POSTN: variants seen among roughly 807,000 people sequenced by gnomAD.
POSTN encodes the protein osteoblast specific factor 2 (fasciclin I-like).
In POSTN, 71 loss-of-function variants were observed where a neutral mutation model predicts 104.5. The observed-to-expected ratio is 0.68, with a 90% CI of 0.56 to 0.83. The LOEUF (loss-of-function observed/expected upper bound fraction) is 0.83. Ranked by LOEUF, POSTN falls within the 40% of genes least tolerant of loss-of-function variation. POSTN has a pLI of 0.00. For synonymous variants in POSTN, 355 were observed against 340.7 expected, an observed-to-expected ratio of 1.04 and a Z score of -0.46; for missense variants, 949 against 1,006.8, an observed-to-expected ratio of 0.94 and a Z score of 0.78.
At chr13:37,570,463 A>G (rs1950231207) in intron 19 of POSTN, 117 bp downstream of exon 19, 2 of 655,668 alleles carry the variant, frequency 3.1e-6, no homozygotes, top group Non-Finnish European at 5.2e-6. Flanking sequence ...ATATGAAGTA[A>G]CTTTAGTAAT....
At position 37,579,113 on chromosome 13, in the gene POSTN, A is replaced by G. The variant is rs766902123; in HGVS notation, c.1800T>C (p.Asp600=). 1.2e-6 allele frequency: 2 copies of G among 1,612,526 alleles called. No homozygotes were observed. Among genetic ancestry groups the G allele is most frequent in the African/African-American group, 2.7e-5 (2 of 75,028 alleles). The change falls in exon 14 of 23, where the codon GAT becomes GAC. Residue 600 remains aspartate (D), a synonymous_variant. Transcript: ENST00000379747. ...ATTTCAATTCATTCACCAGAAGTGT[A>G]TCATTTACCTATCAAAATAGGAGGC... ...GSKIFLKEVN[D]TLLVNELKSK...
intron 2 of POSTN, among the ~76,000 whole-genome samples, chr13:37,592,836 A>C (rs2138384642): frequency 6.6e-6 from 1 of 152,312 alleles, no homozygotes; most frequent in East Asian, 1.9e-4. Flanking sequence ...CAAATGAAAT[A>C]ATGCTTTTGA....
intron 8 of POSTN, among the ~76,000 whole-genome samples, chr13:37,584,412 C>T (rs1337456049): frequency 6.6e-6 from 1 of 152,126 alleles, no homozygotes; most frequent in East Asian, 1.9e-4. Flanking sequence ...TTCCATTTAT[C>T]CAAAGCTGAC....
At chr13:37,566,109 A>G (rs1593305140) in intron 21 of POSTN, among the ~76,000 whole-genome samples, 1 of 152,166 alleles carries the variant, frequency 6.6e-6, no homozygotes, top group African/African-American at 2.4e-5. Flanking sequence ...CAATGTGTCA[A>G]ACAAATACTT....
chr13:37,566,154 G>T (rs75842731), intron 21 of POSTN, among the ~76,000 whole-genome samples: 3 of 152,024 alleles, frequency 2.0e-5, no homozygotes, highest in Admixed American at 1.3e-4. Flanking sequence ...TAGAAAACAG[G>T]TTTACTCCTA....
In POSTN at chr13:37,577,785, C is replaced by T. The variant is rs777140897; in HGVS notation, c.1976G>A (p.Ser659Asn). The change falls in exon 16 of 23, where the codon AGC (serine) becomes AAC (asparagine). Residue 659 changes from serine (S) to asparagine (N), a missense_variant. Coordinates refer to ENST00000379747, the MANE Select transcript of POSTN (RefSeq NM_006475.3). ...AGTCACGGGGATTTCTTTGAAGGTG[C>T]TACCACGAACAAACTGAAAATAAAT... ...KYIQIKFVRGSTFKEIPVTVY... is the reference protein window; with the variant it reads ...KYIQIKFVRGNTFKEIPVTVY... 6.8e-6 allele frequency: 11 copies of T among 1,613,296 alleles called. No individual in the cohort carries two copies. Among genetic ancestry groups the T allele is most frequent in the Non-Finnish European group, 8.5e-6 (10 of 1,179,628 alleles).
At chr13:37,586,382 C>G in intron 6 of POSTN, 102 bp from the exon 7 acceptor site, 2 of 1,219,020 alleles carry the variant, frequency 1.6e-6, no homozygotes, top group Non-Finnish European at 2.3e-6. Flanking sequence ...GATTCCTACA[C>G]TATAGAGGTT....
At position 37,586,173 on chromosome 13, in the gene POSTN, T is replaced by A. The variant is rs201542523; in HGVS notation, c.861A>T (p.Leu287=). The A allele has an allele frequency of 1.2e-5, 19 of 1,613,876 alleles. No individual in the cohort carries two copies. The Middle Eastern group carries it at 8.3e-4, about 70-fold the overall frequency. ...EAFEKLPRGV[L]ERIMGDKVAS... Reference sequence around the variant, plus strand: ...CCACTTTGTCTCCCATGATCCTTTCTAGGACACCTCGTGGAAGTTTCTCAA... The same window carrying A: ...CCACTTTGTCTCCCATGATCCTTTCAAGGACACCTCGTGGAAGTTTCTCAA... Residue 287 remains leucine (L), a synonymous_variant, in exon 7 of 23, where the codon CTA becomes CTT. Transcript: ENST00000379747.
chr13:37,590,487 C>G lies in POSTN; in HGVS notation c.326G>C (p.Gly109Ala), dbSNP rs1593361275. ...AGAATAGCGCTGCGTTGTGGTGGCT[C>G]CCACGATGCCCAGAGTGCCATAAAC... ...DHVYGTLGIV[G>A]ATTTQRYSDA... The change falls in exon 4 of 23, where the codon GGA becomes GCA. Residue 109 changes from glycine (G) to alanine (A), a missense_variant. By Grantham distance (60) the Gly-to-Ala change is moderately conservative. Coordinates refer to ENST00000379747, the MANE Select transcript of POSTN (RefSeq NM_006475.3). 1 of 1,612,836 alleles carries G rather than the reference C, an allele frequency of 6.2e-7. No individual in the cohort carries two copies. Among genetic ancestry groups the G allele is most frequent in the Non-Finnish European group, 8.5e-7 (1 of 1,179,142 alleles).
At chr13:37,584,288 T>C (rs931229815) in intron 8 of POSTN, among the ~76,000 whole-genome samples, 185 bp from the exon 9 acceptor site, 2 of 152,218 alleles carry the variant, frequency 1.3e-5, no homozygotes, top group African/African-American at 4.8e-5. Context: ...TGGGAGTTGA[T>C]AATCACGATA....
rs754256061 is a variant in POSTN, at chr13:37,569,805, G to A, written c.2286C>T (p.Tyr762=). 3 of 1,602,986 alleles carry A rather than the reference G, an allele frequency of 1.9e-6. No individual in the cohort carries two copies. The highest frequency in any genetic ancestry group is 2.6e-6 in the Non-Finnish European group (3 of 1,171,246). ...ERIITGPEIK[Y]TRISTGGGET... Reference sequence around the variant, plus strand: ...CTCCACCTCCAGTAGAAATCCTAGTGTATTTTATTTCAGGACCTATGAGAA... The same window carrying A: ...CTCCACCTCCAGTAGAAATCCTAGTATATTTTATTTCAGGACCTATGAGAA... The change falls in exon 20 of 23, where the codon TAC becomes TAT. Residue 762 remains tyrosine, a synonymous_variant. Transcript: ENST00000379747.
In POSTN at chr13:37,579,109, G is replaced by A; in HGVS notation, c.1804C>T (p.Leu602Phe). The change falls in exon 14 of 23, where the codon CTT becomes TTT. Residue 602 changes from leucine (L) to phenylalanine (F), a missense_variant. Physicochemically the swap from Leu to Phe is conservative, Grantham distance 22. Coordinates refer to ENST00000379747, the MANE Select transcript of POSTN (RefSeq NM_006475.3). ...TTTGATTTCAATTCATTCACCAGAAGTGTATCATTTACCTATCAAAATAGG... is the reference window on the plus strand; with the variant it reads ...TTTGATTTCAATTCATTCACCAGAAATGTATCATTTACCTATCAAAATAGG... Reference protein sequence around the residue: ...KIFLKEVNDTLLVNELKSKES... With the variant: ...KIFLKEVNDTFLVNELKSKES... 6.2e-7 allele frequency: 1 copy of A among 1,612,666 alleles called. No homozygotes were observed. The highest frequency in any genetic ancestry group is 1.1e-5 in the South Asian group (1 of 90,998).
At chr13:37,596,323 A>T (rs1298374065) in intron 2 of POSTN, among the ~76,000 whole-genome samples, 2 of 152,134 alleles carry the variant, frequency 1.3e-5, no homozygotes, top group African/African-American at 4.8e-5. Context: ...GATGACACCT[A>T]AACCTTTCTG....
rs764536246 is a variant in POSTN, at chr13:37,598,684, T to A, written c.43A>T (p.Ile15Phe). ...LPMFSLLLLLIVNPINANNHY... is the reference protein window; with the variant it reads ...LPMFSLLLLLFVNPINANNHY... ...TTGTTGGCGTTTATAGGGTTAACAATAAGCAGCAATAGTAGAGAAAACATG... is the reference window on the plus strand; with the variant it reads ...TTGTTGGCGTTTATAGGGTTAACAAAAAGCAGCAATAGTAGAGAAAACATG... Residue 15 changes from isoleucine (I) to phenylalanine (F), a missense_variant, in exon 1 of 23, where the codon ATT becomes TTT. By Grantham distance (21) the Ile-to-Phe change is conservative (BLOSUM62 0). Transcript: ENST00000379747. 1 of 1,613,480 alleles carries A rather than the reference T, an allele frequency of 6.2e-7. No individual in the cohort carries two copies. Among genetic ancestry groups the A allele is most frequent in the Admixed American group, 1.7e-5 (1 of 59,994 alleles).
chr13:37,595,973 A>ATT (rs919887909), intron 2 of POSTN, among the ~76,000 whole-genome samples: 1 of 149,220 alleles, frequency 6.7e-6, no homozygotes, highest in Non-Finnish European at 1.5e-5. Flanking sequence ...TAATTTTTGT[A>ATT]TTTTTTTTTA....
At chr13:37,574,454 T>C (rs1950349224) in intron 17 of POSTN, 118 bp downstream of exon 17, 1 of 1,341,332 alleles carries the variant, frequency 7.5e-7, no homozygotes, top group African/African-American at 1.5e-5. Flanking sequence ...TGGTATAATA[T>C]TGGTTATATA....
Position 37,579,854 on chromosome 13 carries a change from C to T in POSTN, c.1660+7G>A. The T allele has an allele frequency of 6.2e-7, 1 of 1,606,678 alleles. No homozygotes were observed. The highest frequency in any genetic ancestry group is 8.5e-7 in the Non-Finnish European group (1 of 1,177,320). Reference sequence around the variant, plus strand: ...AGGGAAAATATCTGGAATTCACTTCCACTTACGTATCAGAATTTCTTTTTC... The same window carrying T: ...AGGGAAAATATCTGGAATTCACTTCTACTTACGTATCAGAATTTCTTTTTC... On this transcript the variant is annotated splice_region_variant and intron_variant, in intron 12 of 22. Coordinates refer to ENST00000379747, the MANE Select transcript of POSTN (RefSeq NM_006475.3).
At position 37,564,199 on chromosome 13, in the gene POSTN, TATATA is replaced by T. The variant is rs1566536686; in HGVS notation, c.2473+315_2473+319del. ...AACATTACATATATATATATATATA[TATATA>T]TATATATATATATATATATATATAT... is the stretch of plus-strand genomic sequence containing the variant. On this transcript the variant is annotated intron_variant, in intron 22 of 22. Coordinates refer to ENST00000379747, the MANE Select transcript of POSTN (RefSeq NM_006475.3). Among the ~76,000 whole-genome samples, 232 of 110,642 alleles carry T rather than the reference TATATA, an allele frequency of 2.1e-3. 9 individuals carry two copies. The highest frequency in any genetic ancestry group is 6.7e-3 in the African/African-American group (190 of 28,570). 72.6% of individuals were successfully genotyped at this position (110,642 alleles called of 152,430 possible).
At chr13:37,575,119 G>A (rs1326184436) in intron 16 of POSTN, among the ~76,000 whole-genome samples, 5 of 151,938 alleles carry the variant, frequency 3.3e-5, no homozygotes, top group African/African-American at 7.2e-5. Flanking sequence ...TCTGATAACA[G>A]TGACATAGAA....
Sources: gnomAD v4.1 joint callset for allele counts (sites outside exome capture counted in the v4.1 genomes callset) on GRCh38, gnomAD v4.1.1 for gene constraint, MANE v1.5 for transcripts, NCBI Gene and HGNC (gene_info 2026-07-23, HGNC 2026-07-21) for gene names.